Variants in C13orf46 observed in about 807,000 individuals in gnomAD.
C13orf46 encodes the protein uncharacterized protein C13orf46.
intron 5 of C13orf46, among the ~76,000 whole-genome samples, chr13:113,965,669 TAATGGTGATGGTGATGATGATGGTGAC>T (rs1414507920): frequency 2.7e-5 from 4 of 147,522 alleles, no homozygotes; most frequent in Admixed American, 6.7e-5. Context: ...ATGGTGATTA[TAATGGTGATGGTGATGATGATGGTGAC>T]AATGGTGATG....
At position 113,954,728 on chromosome 13, in the gene C13orf46, C is replaced by T. The variant is rs1396342478; in HGVS notation, c.*2045G>A. On this transcript the variant is annotated 3_prime_UTR_variant, in exon 7 of 7. Coordinates refer to ENST00000636427, the MANE Select transcript of C13orf46 (RefSeq NM_001365455.2). Reference sequence around the variant, plus strand: ...GTGCCCCAGGGGCCTCTGTCCCCACCCAACAAGCCACTGAGCAAGAGGCCA... The same window carrying T: ...GTGCCCCAGGGGCCTCTGTCCCCACTCAACAAGCCACTGAGCAAGAGGCCA... 1 of 169,882 alleles carries T rather than the reference C, an allele frequency of 5.9e-6. No individual in the cohort carries two copies. The highest frequency in any genetic ancestry group is 1.3e-5 in the Non-Finnish European group (1 of 79,772). The allele number at this position is 169,882 out of a possible 1,614,324, so 10.5% of individuals were successfully genotyped here.
downstream of C13orf46, among the ~76,000 whole-genome samples, chr13:113,951,312 G>C (rs2052487795): frequency 6.6e-6 from 1 of 152,214 alleles, no homozygotes. Context: ...GGTGCTGTTG[G>C]CCAGGGAGGA....
chr13:113,943,989 G>C, the C13orf46 span, among the ~76,000 whole-genome samples: 9 of 152,152 alleles, frequency 5.9e-5, no homozygotes, highest in African/African-American at 2.2e-4. Flanking sequence ...CTCTGGCTCG[G>C]GACCTTCAGT....
At chr13:113,947,830 GT>G in the C13orf46 span, among the ~76,000 whole-genome samples, 1 of 152,326 alleles carries the variant, frequency 6.6e-6, no homozygotes, top group Admixed American at 6.5e-5. Flanking sequence ...TCACTCAGGG[GT>G]CCACACCCAC....
In C13orf46 at chr13:113,966,132, A is replaced by C. The variant is rs983776667; in HGVS notation, c.505-1138T>G. 9.0e-3 allele frequency among the ~76,000 whole-genome samples: 1,270 copies of C among 141,452 alleles called. 27 individuals are homozygous for C. The highest frequency in any genetic ancestry group is 0.033 in the African/African-American group (1,214 of 36,688). The allele number at this position is 141,452 out of a possible 152,430, so 92.8% of individuals were successfully genotyped here. A position where few individuals can be genotyped will look rare whatever the true frequency, so the allele number is the denominator to read the frequency against. On this transcript the variant is annotated intron_variant, in intron 5 of 6. Coordinates refer to ENST00000636427, the MANE Select transcript of C13orf46 (RefSeq NM_001365455.2). Reference sequence around the variant, plus strand: ...GATGATGGTGATGATGGTGATTATAATGGTGATGATGACAATGGTGACGGT... The same window carrying C: ...GATGATGGTGATGATGGTGATTATACTGGTGATGATGACAATGGTGACGGT...
the C13orf46 span, among the ~76,000 whole-genome samples, chr13:113,939,464 C>A: frequency 1.3e-5 from 2 of 151,838 alleles, no homozygotes; most frequent in African/African-American, 4.8e-5. Flanking sequence ...AAGATGGGGG[C>A]CACCTGGACG....
chr13:113,959,186 C>A (rs1443591260), intron 6 of C13orf46, among the ~76,000 whole-genome samples: 1 of 152,188 alleles, frequency 6.6e-6, no homozygotes, highest in Non-Finnish European at 1.5e-5. Context: ...GCAGGAGAAT[C>A]ACTTGAGCCC....
In C13orf46 at chr13:113,956,344, T is replaced by G. The variant is rs1299004046; in HGVS notation, c.*429A>C. The stretch of plus-strand genomic sequence containing the variant: ...AGGAGTAGTATCTGGTGGAGAGGAG[T>G]AGTATCTGGTGGAGAGGAGGAGCAT... On this transcript the variant is annotated 3_prime_UTR_variant, in exon 7 of 7. Transcript: ENST00000636427. 536 of 106,610 alleles carry G rather than the reference T, an allele frequency of 5.0e-3. 5 individuals carry two copies. Among genetic ancestry groups the G allele is most frequent in the Middle Eastern group, 0.012 (2 of 166 alleles). The allele number at this position is 106,610 out of a possible 1,614,324, so 6.6% of individuals were successfully genotyped here.
the C13orf46 span, among the ~76,000 whole-genome samples, chr13:113,948,450 G>A: frequency 3.5e-4 from 53 of 152,210 alleles, no homozygotes; most frequent in Non-Finnish European, 1.0e-4. Flanking sequence ...GGGCTGAGGC[G>A]GCTTCAGTGC....
At chr13:113,940,123 C>G in the C13orf46 span, among the ~76,000 whole-genome samples, 5 of 152,224 alleles carry the variant, frequency 3.3e-5, no homozygotes, top group African/African-American at 7.2e-5. Context: ...ACCCCAGGGG[C>G]GGGGGCTGCG....
the C13orf46 span, among the ~76,000 whole-genome samples, chr13:113,941,687 C>A: frequency 2.0e-5 from 3 of 152,206 alleles, no homozygotes; most frequent in Admixed American, 2.0e-4. Context: ...ACAGTTCCAG[C>A]CTCGCAGGTG....
chr13:113,966,884 C>T (rs1019936758), intron 5 of C13orf46, among the ~76,000 whole-genome samples: 9 of 152,140 alleles, frequency 5.9e-5, no homozygotes, highest in Non-Finnish European at 5.9e-5. Flanking sequence ...CCCTGGAATG[C>T]GGGTACTAAT....
intron 1 of C13orf46, among the ~76,000 whole-genome samples, chr13:113,972,047 G>A (rs904013117): frequency 6.6e-5 from 10 of 152,150 alleles, no homozygotes; most frequent in African/African-American, 1.2e-4. Flanking sequence ...TCCCTGCTGC[G>A]GCACCTCCCA....
At chr13:113,929,778 G>A in the C13orf46 span, among the ~76,000 whole-genome samples, 2 of 152,328 alleles carry the variant, frequency 1.3e-5, no homozygotes, top group African/African-American at 4.8e-5. Context: ...TTCTCCTGAG[G>A]CCCCTGGAGT....
the C13orf46 span, among the ~76,000 whole-genome samples, chr13:113,947,118 A>G: frequency 6.6e-6 from 1 of 152,096 alleles, no homozygotes; most frequent in East Asian, 1.9e-4. Flanking sequence ...GGGAAGCCTG[A>G]AGATTCCTGA....
At chr13:113,946,848 C>T in the C13orf46 span, among the ~76,000 whole-genome samples, 2 of 152,254 alleles carry the variant, frequency 1.3e-5, no homozygotes, top group Non-Finnish European at 2.9e-5. Context: ...AGTTGGGGAA[C>T]AGCAAAGCCA....
rs1347335247 is a variant in C13orf46, at chr13:113,966,505, ATGG to A, written c.504+833_504+835del. The stretch of plus-strand genomic sequence containing the variant: ...GATGATGATGGTGATGGTGATTATA[ATGG>A]TGGTGATGATGGTGAAGGTGATGAT... On this transcript the variant is annotated intron_variant, in intron 5 of 6. Coordinates refer to ENST00000636427, the MANE Select transcript of C13orf46 (RefSeq NM_001365455.2). 9.8e-3 allele frequency among the ~76,000 whole-genome samples: 1,479 copies of A among 150,802 alleles called. 28 individuals carry two copies. The highest frequency in any genetic ancestry group is 0.034 in the African/African-American group (1,388 of 40,960).
chr13:113,960,231 G>A (rs2052576513), intron 6 of C13orf46, among the ~76,000 whole-genome samples: 1 of 150,418 alleles, frequency 6.6e-6, no homozygotes, highest in South Asian at 2.1e-4. Flanking sequence ...ACTACAGCCT[G>A]GGCGACAGAG....
intron 6 of C13orf46, among the ~76,000 whole-genome samples, chr13:113,958,415 C>A (rs1377777724): frequency 6.6e-6 from 1 of 152,216 alleles, no homozygotes; most frequent in Non-Finnish European, 1.5e-5. Context: ...GCAAAAAGCA[C>A]AAGGGCCCTG....
Sources: allele counts gnomAD v4.1 joint callset (sites outside exome capture counted in the v4.1 genomes callset), GRCh38; gene constraint gnomAD v4.1.1; transcripts MANE v1.5; gene names NCBI Gene and HGNC (gene_info 2026-07-23, HGNC 2026-07-21).